WDR25: variants seen among roughly 807,000 people sequenced by gnomAD.
The protein encoded by WDR25 is WD repeat-containing protein 25.
Under a neutral mutation model 47.7 loss-of-function variants are expected in WDR25, and 35 were observed. The ratio of observed to expected loss-of-function variants is 0.73; its 90% CI spans 0.56 to 0.97. The LOEUF is 0.97. Ranked by LOEUF, WDR25 falls within the 50% of genes least tolerant of loss-of-function variation. WDR25 has a pLI of 0.00. For missense variants in WDR25, 634 were observed against 704.7 expected (o/e 0.90, Z 1.14); for synonymous variants, 248 against 278.9 (o/e 0.89, Z 1.10).
chr14:100,508,652 A>G (rs1901198645), intron 4 of WDR25, among the ~76,000 whole-genome samples: 1 of 152,210 alleles, frequency 6.6e-6, no homozygotes, highest in African/African-American at 2.4e-5. Context: ...TACTGAATAG[A>G]AATTGTGAAA....
chr14:100,440,737 G>A lies in WDR25; in HGVS notation c.823-27284G>A, dbSNP rs1898644681. ...CAATTCTCAGGTCAGGATTATTTGGGAGATCCATATTACTTCTGATTATTT... is the reference window on the plus strand; with the variant it reads ...CAATTCTCAGGTCAGGATTATTTGGAAGATCCATATTACTTCTGATTATTT... On this transcript the variant is annotated intron_variant, in intron 2 of 6. Coordinates refer to ENST00000402312, the MANE Select transcript of WDR25 (RefSeq NM_001161476.3). The surrounding 1 kb of genome is among the most constrained non-coding windows in gnomAD (Gnocchi z 4.4). Among the ~76,000 whole-genome samples, 1 of 152,192 alleles carries A rather than the reference G, an allele frequency of 6.6e-6. No homozygotes were observed. The highest frequency in any genetic ancestry group is 2.4e-5 in the African/African-American group (1 of 41,446).
chr14:100,473,148 C>T (rs1257740838), intron 3 of WDR25, among the ~76,000 whole-genome samples: 1 of 152,210 alleles, frequency 6.6e-6, no homozygotes, highest in Non-Finnish European at 1.5e-5. Flanking sequence ...GTTATCGAGC[C>T]CTTGCTGTGG....
At chr14:100,486,620 C>G (rs76891441) in intron 4 of WDR25, among the ~76,000 whole-genome samples, 5,311 of 152,280 alleles carry the variant, frequency 0.035, 226 homozygotes, top group African/African-American at 0.097. Context: ...GCCCCCTGCC[C>G]TCCAGGGACT....
chr14:100,449,043 G>T lies in WDR25; in HGVS notation c.823-18978G>T, dbSNP rs546938558. Among the ~76,000 whole-genome samples the T allele has an allele frequency of 6.6e-5, 10 of 152,214 alleles. 1 individual carries two copies. The highest frequency in any genetic ancestry group is 2.4e-4 in the African/African-American group (10 of 41,546). On this transcript the variant is annotated intron_variant, in intron 2 of 6. Coordinates refer to ENST00000402312, the MANE Select transcript of WDR25 (RefSeq NM_001161476.3). This position sits in a 1 kb window ranked among gnomAD's most constrained non-coding sequence, Gnocchi z 4.2. ...GACGATCGTGATGGGAGATGAGGCT[G>T]GGCAGGTGAGTGGGGCCTCCGGAGT...
At chr14:100,432,059 T>C (rs1157578412) in intron 2 of WDR25, among the ~76,000 whole-genome samples, 1 of 152,204 alleles carries the variant, frequency 6.6e-6, no homozygotes, top group Non-Finnish European at 1.5e-5. Flanking sequence ...GTGCCTTTCT[T>C]CCTTGGGTTT....
At chr14:100,377,562 G>A (rs557536021) in intron 1 of WDR25, among the ~76,000 whole-genome samples, 5 of 151,524 alleles carry the variant, frequency 3.3e-5, no homozygotes, top group Non-Finnish European at 5.9e-5. Flanking sequence ...CGCCCTTCTC[G>A]GCCTCCTACA....
In WDR25 at chr14:100,529,568, A is replaced by G. The variant is rs931303149; in HGVS notation, c.1414-252A>G. On this transcript the variant is annotated intron_variant, in intron 6 of 6. Transcript: ENST00000402312. The surrounding 1 kb of genome is among the most constrained non-coding windows in gnomAD (Gnocchi z 5.1). ...AGGGGCTGGGTGCTTAGTGACTGTCACTGAGGCCAGACCCCTCAGCTGGGC... is the reference window on the plus strand; with the variant it reads ...AGGGGCTGGGTGCTTAGTGACTGTCGCTGAGGCCAGACCCCTCAGCTGGGC... The G allele has an allele frequency of 6.7e-6, 4 of 597,032 alleles. No individual in the cohort carries two copies. The highest frequency in any genetic ancestry group is 8.9e-6 in the Non-Finnish European group (3 of 338,542). 37.0% of individuals were successfully genotyped at this position (597,032 alleles called of 1,614,324 possible).
intron 2 of WDR25, among the ~76,000 whole-genome samples, chr14:100,391,319 G>A (rs1897140347): frequency 6.6e-6 from 1 of 152,070 alleles, no homozygotes; most frequent in Admixed American, 6.5e-5. Flanking sequence ...CAGGCCCTGC[G>A]CCACCATGAT....
chr14:100,436,627 G>A (rs1265550549), intron 2 of WDR25, among the ~76,000 whole-genome samples: 1 of 152,170 alleles, frequency 6.6e-6, no homozygotes, highest in African/African-American at 2.4e-5. Flanking sequence ...TCTGAGTCAG[G>A]TGTTCGGTGT....
intron 2 of WDR25, among the ~76,000 whole-genome samples, chr14:100,387,988 T>C (rs967069292): frequency 1.3e-5 from 2 of 152,262 alleles, no homozygotes; most frequent in Admixed American, 6.5e-5. Context: ...ATGTGCTTTG[T>C]AGAAAGTGAT....
At chr14:100,484,364 A>G (rs1900308586) in intron 4 of WDR25, among the ~76,000 whole-genome samples, 1 of 152,212 alleles carries the variant, frequency 6.6e-6, no homozygotes, top group African/African-American at 2.4e-5. Context: ...TTTGTTGAAC[A>G]CCTACTGTGC....
intron 2 of WDR25, among the ~76,000 whole-genome samples, chr14:100,456,685 C>T (rs1262491693): frequency 6.6e-6 from 1 of 152,018 alleles, no homozygotes; most frequent in African/African-American, 2.4e-5. Flanking sequence ...AGAAGCTATC[C>T]AAAGTGAAAT....
chr14:100,509,769 A>G (rs1901239128), intron 4 of WDR25, among the ~76,000 whole-genome samples: 1 of 152,082 alleles, frequency 6.6e-6, no homozygotes, highest in African/African-American at 2.4e-5. Context: ...AAAGTCTGTG[A>G]TCTATTTAGT....
At chr14:100,385,720 G>A in intron 2 of WDR25, among the ~76,000 whole-genome samples, 1 of 152,056 alleles carries the variant, frequency 6.6e-6, no homozygotes, top group East Asian at 1.9e-4. Context: ...GAACGTGCTT[G>A]TTTTTTTCAT....
chr14:100,403,667 T>C (rs1007524021), intron 2 of WDR25, among the ~76,000 whole-genome samples: 1 of 152,208 alleles, frequency 6.6e-6, no homozygotes, highest in African/African-American at 2.4e-5. Context: ...GCAATGATAA[T>C]GTAAAATCAG....
chr14:100,443,826 G>A (rs548246297), intron 2 of WDR25, among the ~76,000 whole-genome samples: 17 of 152,390 alleles, frequency 1.1e-4, no homozygotes, highest in South Asian at 8.3e-4. Flanking sequence ...TGTACTGAGT[G>A]ATTGGAGCAT....
intron 2 of WDR25, among the ~76,000 whole-genome samples, chr14:100,467,804 C>G (rs941872048): frequency 5.3e-5 from 8 of 152,144 alleles, no homozygotes; most frequent in African/African-American, 1.9e-4. Flanking sequence ...GTTTTCTTAA[C>G]CCCAGAAAAA....
chr14:100,530,144 T>A lies in WDR25; in HGVS notation c.*103T>A. 1 of 1,173,908 alleles carries A rather than the reference T, an allele frequency of 8.5e-7. No individual in the cohort carries two copies. The highest frequency in any genetic ancestry group is 1.5e-5 in the South Asian group (1 of 66,918). 72.7% of individuals were successfully genotyped at this position (1,173,908 alleles called of 1,614,324 possible). ...GAGCACAGAGGTTGGCTGTGGGTCC[T>A]GGGTACCACCTTCTGAGCCTCAGTT... On this transcript the variant is annotated 3_prime_UTR_variant, in exon 7 of 7. Transcript: ENST00000402312.
chr14:100,478,692 T>C (rs1900099943), intron 3 of WDR25, among the ~76,000 whole-genome samples: 1 of 152,212 alleles, frequency 6.6e-6, no homozygotes, highest in South Asian at 2.1e-4. Context: ...TCAATCTCTT[T>C]AGGGGGTTGA....
Sources: allele counts gnomAD v4.1 joint callset (sites outside exome capture counted in the v4.1 genomes callset), GRCh38; gene constraint gnomAD v4.1.1; non-coding constraint Gnocchi (gnomAD v3.1); transcripts MANE v1.5; gene names NCBI Gene and HGNC (gene_info 2026-07-23, HGNC 2026-07-21).